The following SGCZ variants were observed in gnomAD, a reference collection of about 807,000 sequenced individuals.
SGCZ encodes the protein zeta-sarcoglycan.
Under a neutral mutation model 41.3 loss-of-function variants are expected in SGCZ, and 40 were observed. The ratio of observed to expected loss-of-function variants is 0.97; its 90% CI spans 0.75 to 1.26. The LOEUF is 1.26. SGCZ is among the 50% of genes most tolerant of loss of function. The probability of loss-of-function intolerance (pLI) is 0.00; values close to 1 mark genes in which losing one functional copy is unlikely to be tolerated. For missense variants in SGCZ, 552 were observed against 369.8 expected (o/e 1.49, Z -4.04); for synonymous variants, 206 against 137.5 (o/e 1.50, Z -3.49).
intron 2 of SGCZ, among the ~76,000 whole-genome samples, chr8:14,508,264 T>G (rs1338613215): frequency 3.3e-5 from 5 of 152,206 alleles, no homozygotes; most frequent in Non-Finnish European, 7.3e-5. Flanking sequence ...CCCTGTTCTA[T>G]GCCCAGCATG....
At chr8:14,608,739 A>G (rs980753989) in intron 1 of SGCZ, among the ~76,000 whole-genome samples, 2 of 151,986 alleles carry the variant, frequency 1.3e-5, no homozygotes, top group South Asian at 2.1e-4. Flanking sequence ...GCCCATACAC[A>G]TTCTACCAGG....
At chr8:14,817,402 G>C (rs919723177) in intron 1 of SGCZ, among the ~76,000 whole-genome samples, 5 of 152,170 alleles carry the variant, frequency 3.3e-5, no homozygotes, top group African/African-American at 1.2e-4. Context: ...CCAGTTTGAA[G>C]AGTAGCCAGG....
At chr8:14,258,599 A>C (rs1799547218) in intron 3 of SGCZ, among the ~76,000 whole-genome samples, 1 of 152,202 alleles carries the variant, frequency 6.6e-6, no homozygotes, top group Admixed American at 6.5e-5. Context: ...ATTATATTGA[A>C]AATTTATCTA....
intron 2 of SGCZ, among the ~76,000 whole-genome samples, chr8:14,454,589 A>C (rs1800689727): frequency 6.6e-6 from 1 of 152,196 alleles, no homozygotes; most frequent in Non-Finnish European, 1.5e-5. Context: ...CGAGTAGCTC[A>C]AAAACACTGT....
At chr8:14,631,908 C>T (rs957051910) in intron 1 of SGCZ, among the ~76,000 whole-genome samples, 2 of 152,058 alleles carry the variant, frequency 1.3e-5, no homozygotes, top group East Asian at 1.9e-4. Context: ...TTGGAACAAA[C>T]GTTAACTGAA....
chr8:14,178,578 C>T (rs1482958538), intron 4 of SGCZ, among the ~76,000 whole-genome samples: 1 of 152,158 alleles, frequency 6.6e-6, no homozygotes. Flanking sequence ...ATAAGCAAGA[C>T]TAATTTGATA....
intron 1 of SGCZ, among the ~76,000 whole-genome samples, chr8:15,136,600 T>C (rs1030960312): frequency 3.3e-5 from 5 of 152,122 alleles, no homozygotes; most frequent in Non-Finnish European, 2.9e-5. Context: ...GTTTCTCCTA[T>C]GCTATTTGCC....
intron 2 of SGCZ, among the ~76,000 whole-genome samples, chr8:14,515,034 C>T (rs1802580923): frequency 6.6e-6 from 1 of 151,880 alleles, no homozygotes; most frequent in Non-Finnish European, 1.5e-5. Context: ...ATAGGGCCTG[C>T]AACCATAAAC....
At chr8:14,121,884 T>G (rs74303155) in intron 5 of SGCZ, among the ~76,000 whole-genome samples, 10,299 of 152,236 alleles carry the variant, frequency 0.068, 437 homozygotes, top group East Asian at 0.13. Context: ...TTTTAAAAAT[T>G]TTTTATTATG....
intron 1 of SGCZ, among the ~76,000 whole-genome samples, chr8:14,648,763 TAAAAACCAATAATAAAC>T (rs1807305376): frequency 6.6e-6 from 1 of 152,070 alleles, no homozygotes; most frequent in South Asian, 2.1e-4. Flanking sequence ...TCAGACTACA[TAAAAACCAATAATAAAC>T]AAAAACCAAT....
At chr8:14,639,140 G>T (rs948226391) in intron 1 of SGCZ, among the ~76,000 whole-genome samples, 7 of 149,104 alleles carry the variant, frequency 4.7e-5, no homozygotes, top group Non-Finnish European at 8.9e-5. Context: ...TTGCCTCCCA[G>T]GTTCAAGTGA....
At chr8:14,214,697 A>ATT (rs34754133) in intron 4 of SGCZ, among the ~76,000 whole-genome samples, 19 of 151,816 alleles carry the variant, frequency 1.3e-4, no homozygotes. Context: ...GCTAACAGTA[A>ATT]TTTTTTTAAA....
intron 1 of SGCZ, among the ~76,000 whole-genome samples, chr8:14,880,650 G>A (rs147200001): frequency 0.05 from 7,541 of 152,220 alleles, 219 homozygotes; most frequent in Non-Finnish European, 0.061. Context: ...CATGTCGATT[G>A]TAGGGACATG....
chr8:14,462,871 A>ATTTT lies in SGCZ; in HGVS notation c.234+91857_234+91860dup, dbSNP rs34744100. 2.4e-4 allele frequency among the ~76,000 whole-genome samples: 36 copies of ATTTT among 150,720 alleles called. No homozygotes were observed. The East Asian group carries it at 2.9e-3, about 12-fold the overall frequency. On this transcript the variant is annotated intron_variant, in intron 2 of 7. Coordinates refer to ENST00000382080, the MANE Select transcript of SGCZ (RefSeq NM_139167.4). ...CATGGGCATAGAATGTCTTTTAAGA[A>ATTTT]TTTTTTTTTGAGTTTTCTTTCATTG...
At chr8:14,908,392 T>C (rs1023610010) in intron 1 of SGCZ, among the ~76,000 whole-genome samples, 1 of 152,176 alleles carries the variant, frequency 6.6e-6, no homozygotes, top group Non-Finnish European at 1.5e-5. Flanking sequence ...CATGAGACTG[T>C]ATTCTACCAA....
chr8:14,370,855 G>T lies in SGCZ; in HGVS notation c.235-46651C>A, dbSNP rs866540023. 1.5e-4 allele frequency among the ~76,000 whole-genome samples: 23 copies of T among 151,876 alleles called. 1 individual carries two copies. In the Middle Eastern group the frequency reaches 0.01, roughly 67 times the overall value. On this transcript the variant is annotated intron_variant, in intron 2 of 7. Coordinates refer to ENST00000382080, the MANE Select transcript of SGCZ (RefSeq NM_139167.4). ...AAAATTTAAATTGATTAATACAATG[G>T]CAGCTTGCATTTTTCTTACTGACTG...
chr8:14,872,884 G>C (rs780825428), intron 1 of SGCZ, among the ~76,000 whole-genome samples: 6 of 152,046 alleles, frequency 3.9e-5, no homozygotes, highest in African/African-American at 1.4e-4. Flanking sequence ...AATTTGATTT[G>C]CATTTTCTCC....
At chr8:14,823,718 C>T (rs1455998153) in intron 1 of SGCZ, among the ~76,000 whole-genome samples, 1 of 152,152 alleles carries the variant, frequency 6.6e-6, no homozygotes, top group Non-Finnish European at 1.5e-5. Context: ...CCAGCAATTC[C>T]ATTCCTGTGT....
chr8:14,343,160 T>A (rs1802769370), intron 2 of SGCZ, among the ~76,000 whole-genome samples: 1 of 152,224 alleles, frequency 6.6e-6, no homozygotes, highest in African/African-American at 2.4e-5. Context: ...TGGAAACACT[T>A]GGATGCCCAG....
Sources: gnomAD v4.1 joint callset for allele counts (sites outside exome capture counted in the v4.1 genomes callset) on GRCh38, gnomAD v4.1.1 for gene constraint, MANE v1.5 for transcripts, NCBI Gene and HGNC (gene_info 2026-07-23, HGNC 2026-07-21) for gene names.